SPTBN4: variants seen among roughly 807,000 people sequenced by gnomAD.
SPTBN4 encodes the protein spectrin beta chain, non-erythrocytic 4.
A neutral mutation model predicts 277.8 loss-of-function variants in SPTBN4; 96 were observed. The observed-to-expected ratio is 0.35, with a 90% CI of 0.29 to 0.41. The LOEUF (loss-of-function observed/expected upper bound fraction) is 0.41. Among genes scored for constraint, SPTBN4 ranks in the 10% least tolerant of loss-of-function variants. The probability of loss-of-function intolerance (pLI) is 1.00; values close to 1 mark genes in which losing one functional copy is unlikely to be tolerated. For missense variants in SPTBN4, 3,006 were observed against 3,595.7 expected (o/e 0.84, Z 4.19); for synonymous variants, 1,481 against 1,580.3 (o/e 0.94, Z 1.49).
At chr19:40,481,763 A>G (rs2080013927) in intron 2 of SPTBN4, among the ~76,000 whole-genome samples, 1 of 152,068 alleles carries the variant, frequency 6.6e-6, no homozygotes. Flanking sequence ...GGCGTGAGCC[A>G]CCATGCCCAG....
At position 40,554,390 on chromosome 19, in the gene SPTBN4, C is replaced by A; in HGVS notation, c.4918C>A (p.Gln1640Lys). ...TGAGGTGGAGGCGTGGCTGGGCGAG[C>A]AGGAGCTGCTCATGATGAGTGAGGA... The part of the protein sequence containing the change: ...VAEVEAWLGE[Q>K]ELLMMSEDKG... Residue 1640 changes from glutamine (Q) to lysine (K), a missense_variant, in exon 23 of 36, where the codon CAG becomes AAG. Physicochemically the swap from Gln to Lys is moderately conservative, Grantham distance 53. This residue lies in a region of SPTBN4 where 1,759 missense variants were observed against 2,061.5 expected (regional missense o/e 0.85). Coordinates refer to ENST00000598249, the MANE Select transcript of SPTBN4 (RefSeq NM_020971.3). The surrounding 1 kb of genome is among the most constrained non-coding windows in gnomAD (Gnocchi z 5.7). The A allele has an allele frequency of 6.3e-7, 1 of 1,588,422 alleles. No individual in the cohort carries two copies. The highest frequency in any genetic ancestry group is 2.3e-5 in the East Asian group (1 of 43,800).
At chr19:40,537,052 T>A (rs1425594275) in intron 20 of SPTBN4, among the ~76,000 whole-genome samples, 1 of 151,896 alleles carries the variant, frequency 6.6e-6, no homozygotes, top group African/African-American at 2.4e-5. Context: ...CTCTGCCACC[T>A]AGGCTGGAGT....
chr19:40,537,167 G>A (rs1371952865), intron 20 of SPTBN4, among the ~76,000 whole-genome samples: 1 of 152,064 alleles, frequency 6.6e-6, no homozygotes, highest in Non-Finnish European at 1.5e-5. Context: ...GTGCCACCAA[G>A]CCTGGCTAAT....
intron 13 of SPTBN4, among the ~76,000 whole-genome samples, chr19:40,507,893 T>A (rs946473715): frequency 9.2e-5 from 14 of 152,196 alleles, no homozygotes; most frequent in African/African-American, 3.4e-4. Context: ...AGTCTTTGTG[T>A]TAGTGTCACT....
At chr19:40,565,370 G>A in intron 27 of SPTBN4, 53 bp from the exon 28 acceptor site, 1 of 1,575,340 alleles carries the variant, frequency 6.3e-7, no homozygotes, top group Non-Finnish European at 8.6e-7. Context: ...CATGTATGGG[G>A]CAGGCTGAGG....
In SPTBN4 at chr19:40,532,660, G is replaced by A. The variant is rs144400272; in HGVS notation, c.3984G>A (p.Ala1328=). The stretch of plus-strand genomic sequence containing the variant: ...GGATCCATGAGAAGATGCTGATGGC[G>A]CGGGATGGCACGCGGGAGGACAACC... The part of the protein sequence containing the change: ...DGWIHEKMLM[A]RDGTREDNHK... The change falls in exon 19 of 36, where the codon GCG becomes GCA. Residue 1328 remains alanine, a synonymous_variant. Coordinates refer to ENST00000598249, the MANE Select transcript of SPTBN4 (RefSeq NM_020971.3). 87 of 1,613,430 alleles carry A rather than the reference G, an allele frequency of 5.4e-5. No homozygotes were observed. Among genetic ancestry groups the A allele is most frequent in the East Asian group, 2.0e-4 (9 of 44,876 alleles).
At position 40,519,871 on chromosome 19, in the gene SPTBN4, C is replaced by A. The variant is rs996499504; in HGVS notation, c.3374C>A (p.Ala1125Glu). The change falls in exon 16 of 36, where the codon GCG becomes GAG. Residue 1125 changes from alanine (A) to glutamate (E), a missense_variant. Transcript: ENST00000598249. The surrounding 1 kb of genome is among the most constrained non-coding windows in gnomAD (Gnocchi z 5.7). ...EGPLPNSLEE[A>E]DALLARHAAL... ...CCCCTGCCCAACAGCCTAGAAGAGG[C>A]GGACGCGCTGCTGGCGCGCCACGCT... 2.7e-6 allele frequency: 4 copies of A among 1,497,684 alleles called. No homozygotes were observed. The highest frequency in any genetic ancestry group is 2.6e-6 in the Non-Finnish European group (3 of 1,133,886). The allele number at this position is 1,497,684 out of a possible 1,614,324, so 92.8% of individuals were successfully genotyped here. A position where few individuals can be genotyped will look rare whatever the true frequency, so the allele number is the denominator to read the frequency against.
intron 22 of SPTBN4, among the ~76,000 whole-genome samples, chr19:40,551,788 G>A (rs1413230464): frequency 1.3e-5 from 2 of 152,006 alleles, no homozygotes; most frequent in African/African-American, 4.8e-5. Context: ...GAGCCCAGGA[G>A]TTTGAGACCA....
In SPTBN4 at chr19:40,549,365, G is replaced by A; in HGVS notation, c.4536G>A (p.Leu1512=). The change falls in exon 21 of 36, where the codon CTG becomes CTA. Residue 1512 remains leucine (L), a synonymous_variant. Coordinates refer to ENST00000598249, the MANE Select transcript of SPTBN4 (RefSeq NM_020971.3). Reference sequence around the variant, plus strand: ...TGCAGGAGCGCCGCCGCTTGCTGCTGGCTTCCAAGGAGTTGCACCAGGTGG... The same window carrying A: ...TGCAGGAGCGCCGCCGCTTGCTGCTAGCTTCCAAGGAGTTGCACCAGGTGG... ...EPLQERRRLL[L]ASKELHQVAH... 1.3e-6 allele frequency: 2 copies of A among 1,532,078 alleles called. No homozygotes were observed. The highest frequency in any genetic ancestry group is 3.9e-5 in the Admixed American group (2 of 50,746). 94.9% of individuals were successfully genotyped at this position (1,532,078 alleles called of 1,614,324 possible). A position where few individuals can be genotyped will look rare whatever the true frequency, so the allele number is the denominator to read the frequency against.
rs1000386615 is a variant in SPTBN4 at position 40,515,912 on chromosome 19, T to C, written c.2903+464T>C. Among the ~76,000 whole-genome samples, 1 of 122,008 alleles carries C rather than the reference T, an allele frequency of 8.2e-6. No individual in the cohort carries two copies. Among genetic ancestry groups the C allele is most frequent in the East Asian group, 2.1e-4 (1 of 4,822 alleles). 80.0% of individuals were successfully genotyped at this position (122,008 alleles called of 152,430 possible). The stretch of plus-strand genomic sequence containing the variant: ...CACACACACACACAAAATATATATA[T>C]ACACACACATATATATACACACATA... On this transcript the variant is annotated intron_variant, in intron 15 of 35. Coordinates refer to ENST00000598249, the MANE Select transcript of SPTBN4 (RefSeq NM_020971.3). This position sits in a 1 kb window ranked among gnomAD's most constrained non-coding sequence, Gnocchi z 4.1.
chr19:40,556,563 T>TA (rs1230175747), intron 25 of SPTBN4, among the ~76,000 whole-genome samples: 1 of 150,570 alleles, frequency 6.6e-6, no homozygotes, highest in Non-Finnish European at 1.5e-5. Flanking sequence ...AGGTGTTCAG[T>TA]AAGTGTTAGA....
chr19:40,508,070 T>C (rs1439138310), intron 13 of SPTBN4, among the ~76,000 whole-genome samples: 3 of 152,188 alleles, frequency 2.0e-5, no homozygotes, highest in Non-Finnish European at 4.4e-5. Context: ...CCATCATTGC[T>C]CAGCCAATCA....
chr19:40,467,987 T>G (rs533620211), intron 1 of SPTBN4, among the ~76,000 whole-genome samples: 1 of 152,252 alleles, frequency 6.6e-6, no homozygotes, highest in South Asian at 2.1e-4. Context: ...AAGGAACATG[T>G]ATCAAGGGCT....
intron 25 of SPTBN4, 94 bp downstream of exon 25, chr19:40,556,382 A>C (rs1599804615): frequency 1.5e-5 from 17 of 1,136,240 alleles, no homozygotes; most frequent in East Asian, 1.0e-4. Flanking sequence ...TAATAACAGC[A>C]CCCGCCTCAT....
In SPTBN4 at chr19:40,554,692, T is replaced by C. The variant is rs777976058; in HGVS notation, c.5084+46T>C. On this transcript the variant is annotated intron_variant, in intron 24 of 35. Coordinates refer to ENST00000598249, the MANE Select transcript of SPTBN4 (RefSeq NM_020971.3). This position sits in a 1 kb window ranked among gnomAD's most constrained non-coding sequence, Gnocchi z 5.7. ...TTCACAGGAATGGTCCAGCAGGACC[T>C]GAAGCTTCGCTGTTGGGAGTTGGCG... The C allele has an allele frequency of 3.2e-6, 5 of 1,582,148 alleles. No individual in the cohort carries two copies. In the Admixed American group the frequency reaches 9.0e-5, roughly 28 times the overall value.
chr19:40,502,231 A>G lies in SPTBN4; in HGVS notation c.1001A>G (p.Asn334Ser), dbSNP rs2080271084. The G allele has an allele frequency of 6.2e-7, 1 of 1,614,030 alleles. No homozygotes were observed. Among genetic ancestry groups the G allele is most frequent in the Non-Finnish European group, 8.5e-7 (1 of 1,180,034 alleles). Residue 334 changes from asparagine (N) to serine (S), a missense_variant, in exon 9 of 36, where the codon AAT becomes AGT. By Grantham distance (46) the Asn-to-Ser change is conservative (BLOSUM62 1). Around this residue, in one of 5 missense-constraint regions of SPTBN4, gnomAD observed 1,759 missense variants for 2,061.5 expected, o/e 0.85. Coordinates refer to ENST00000598249, the MANE Select transcript of SPTBN4 (RefSeq NM_020971.3). The surrounding 1 kb of genome is among the most constrained non-coding windows in gnomAD (Gnocchi z 4.9). ...CACCGCACCGTGGGCCTCATCAGCAATCAGAAATTTGCCAACTCCTTAAGT... is the reference window on the plus strand; with the variant it reads ...CACCGCACCGTGGGCCTCATCAGCAGTCAGAAATTTGCCAACTCCTTAAGT... ...WIHRTVGLIS[N>S]QKFANSLSGV...
At chr19:40,565,815 C>A in intron 29 of SPTBN4, 70 bp downstream of exon 29, 1 of 1,483,394 alleles carries the variant, frequency 6.7e-7, no homozygotes, top group South Asian at 1.2e-5. Context: ...AGCCAAGGCC[C>A]AGAGGGTGAC....
chr19:40,486,861 G>A lies in SPTBN4; in HGVS notation c.170-836G>A, dbSNP rs563796608. ...TTGAACAGGCACAGAGTGTGCATTC[G>A]AATATTTATTGAATGAATGAATGAC... is the stretch of plus-strand genomic sequence containing the variant. On this transcript the variant is annotated intron_variant, in intron 2 of 35. Coordinates refer to ENST00000598249, the MANE Select transcript of SPTBN4 (RefSeq NM_020971.3). Among the ~76,000 whole-genome samples, 8 of 152,220 alleles carry A rather than the reference G, an allele frequency of 5.3e-5. No homozygotes were observed. In the East Asian group the frequency reaches 1.2e-3, roughly 22 times the overall value.
In SPTBN4 at chr19:40,575,611, T is replaced by G. The variant is rs749751007; in HGVS notation, c.*42T>G. On this transcript the variant is annotated 3_prime_UTR_variant, in exon 36 of 36. Coordinates refer to ENST00000598249, the MANE Select transcript of SPTBN4 (RefSeq NM_020971.3). ...CCTGACACATCTCGTCTCCCCTCTTTTCCGCACTGTGGGCACAAAGACACT... is the reference window on the plus strand; with the variant it reads ...CCTGACACATCTCGTCTCCCCTCTTGTCCGCACTGTGGGCACAAAGACACT... 18 of 1,571,048 alleles carry G rather than the reference T, an allele frequency of 1.1e-5. No homozygotes were observed. Among genetic ancestry groups the G allele is most frequent in the Non-Finnish European group, 8.6e-7 (1 of 1,157,448 alleles).
Sources: gnomAD v4.1 joint callset for allele counts (sites outside exome capture counted in the v4.1 genomes callset) on GRCh38, gnomAD v4.1.1 for gene constraint, gnomAD v4.1.1 regional missense constraint, Gnocchi (gnomAD v3.1) non-coding constraint, MANE v1.5 for transcripts, NCBI Gene and HGNC (gene_info 2026-07-23, HGNC 2026-07-21) for gene names.